The following ASTN2 variants were observed in gnomAD, a reference collection of about 807,000 sequenced individuals.
ASTN2 encodes the protein astrotactin-2.
Under a neutral mutation model 139.8 loss-of-function variants are expected in ASTN2, and 54 were observed. The observed-to-expected ratio is 0.39, with a 90% CI of 0.31 to 0.48. The LOEUF is 0.48. Among genes scored for constraint, ASTN2 ranks in the 20% least tolerant of loss-of-function variants. The pLI is 0.95. For synonymous variants in ASTN2, 756 were observed against 719.5 expected, an observed-to-expected ratio of 1.05 and a Z score of -0.81; for missense variants, 1,565 against 1,725.1, an observed-to-expected ratio of 0.91 and a Z score of 1.64.
chr9:116,778,692 G>A (rs930490185), intron 13 of ASTN2, among the ~76,000 whole-genome samples: 38 of 152,078 alleles, frequency 2.5e-4, no homozygotes, highest in African/African-American at 8.2e-4. Context: ...AATTTTACTC[G>A]ACTCAGCACC....
At chr9:117,180,506 G>A in intron 3 of ASTN2, 1 of 608,950 alleles carries the variant, frequency 1.6e-6, no homozygotes, top group Non-Finnish European at 2.9e-6. Context: ...ACATTTGAAT[G>A]CCATTTCCTC....
intron 7 of ASTN2, among the ~76,000 whole-genome samples, chr9:116,980,862 C>G (rs2132534479): frequency 6.6e-6 from 1 of 152,218 alleles, no homozygotes; most frequent in South Asian, 2.1e-4. Context: ...TAACCTCTTC[C>G]CTGGGTGACT....
At chr9:116,782,667 C>T (rs1027453756) in intron 13 of ASTN2, among the ~76,000 whole-genome samples, 2 of 152,132 alleles carry the variant, frequency 1.3e-5, no homozygotes, top group African/African-American at 4.8e-5. Flanking sequence ...TCCCTTTGGT[C>T]TTTATATTTG....
chr9:117,242,310 T>C (rs1015790809), intron 2 of ASTN2, among the ~76,000 whole-genome samples: 1 of 152,064 alleles, frequency 6.6e-6, no homozygotes, highest in African/African-American at 2.4e-5. Flanking sequence ...TATAAATATA[T>C]CTCAAACCTC....
chr9:116,846,874 A>G (rs931486216), intron 11 of ASTN2, among the ~76,000 whole-genome samples: 1 of 152,088 alleles, frequency 6.6e-6, no homozygotes, highest in Non-Finnish European at 1.5e-5. Context: ...TTTCCCCTAC[A>G]GCCTCTTAAA....
intron 19 of ASTN2, among the ~76,000 whole-genome samples, chr9:116,535,072 T>C (rs540349052): frequency 2.2e-4 from 33 of 152,348 alleles, no homozygotes; most frequent in African/African-American, 6.3e-4. Context: ...ATATTTAGGA[T>C]AGTTAGCTCT....
At chr9:116,925,928 A>T (rs1335662811) in intron 10 of ASTN2, among the ~76,000 whole-genome samples, 2 of 151,968 alleles carry the variant, frequency 1.3e-5, no homozygotes, top group Non-Finnish European at 2.9e-5. Flanking sequence ...GGATGCTCAT[A>T]CATTCAAAAA....
At chr9:116,976,485 C>T (rs1341956721) in intron 8 of ASTN2, among the ~76,000 whole-genome samples, 2 of 152,120 alleles carry the variant, frequency 1.3e-5, no homozygotes, top group Non-Finnish European at 2.9e-5. Flanking sequence ...AAATGTCAGC[C>T]TTTGTTCTCT....
chr9:116,792,616 T>A (rs1463050393), intron 13 of ASTN2, among the ~76,000 whole-genome samples: 1 of 152,202 alleles, frequency 6.6e-6, no homozygotes, highest in Non-Finnish European at 1.5e-5. Flanking sequence ...TGCTACATTA[T>A]GCACCGGGGG....
intron 5 of ASTN2, among the ~76,000 whole-genome samples, chr9:117,075,514 G>A (rs1265380282): frequency 6.6e-6 from 1 of 151,714 alleles, no homozygotes; most frequent in East Asian, 1.9e-4. Flanking sequence ...GGGAGGAGGA[G>A]GAGGGGGCAG....
At chr9:116,604,332 A>G (rs1326293661) in intron 19 of ASTN2, among the ~76,000 whole-genome samples, 1 of 152,182 alleles carries the variant, frequency 6.6e-6, no homozygotes, top group African/African-American at 2.4e-5. Context: ...TTGACTTTAG[A>G]AACCTTTCAC....
intron 10 of ASTN2, among the ~76,000 whole-genome samples, chr9:116,890,066 T>C (rs1833724335): frequency 6.6e-6 from 1 of 152,216 alleles, no homozygotes. Context: ...GCTGAGTTTA[T>C]TGATCAACAT....
intron 1 of ASTN2, among the ~76,000 whole-genome samples, chr9:117,382,324 G>C (rs1830295048): frequency 6.6e-6 from 1 of 152,156 alleles, no homozygotes; most frequent in Admixed American, 6.5e-5. Context: ...AGGGACAGCA[G>C]GTTTGGGAAA....
chr9:116,434,327 C>T (rs1466556028), intron 22 of ASTN2, among the ~76,000 whole-genome samples: 4 of 152,120 alleles, frequency 2.6e-5, no homozygotes, highest in Admixed American at 2.6e-4. Flanking sequence ...TGCTCTTGTT[C>T]CCAATATCTT....
chr9:116,683,700 A>G (rs1465716924), intron 16 of ASTN2, among the ~76,000 whole-genome samples: 1 of 152,202 alleles, frequency 6.6e-6, no homozygotes, highest in African/African-American at 2.4e-5. Context: ...CAAATGAGTA[A>G]AAAATACTTC....
chr9:117,207,803 A>G (rs1215462278), intron 3 of ASTN2, among the ~76,000 whole-genome samples: 1 of 152,200 alleles, frequency 6.6e-6, no homozygotes, highest in Non-Finnish European at 1.5e-5. Flanking sequence ...GTTCTGAGAA[A>G]TAGCCCAGTG....
chr9:117,212,330 T>C (rs1197656179), intron 3 of ASTN2, among the ~76,000 whole-genome samples: 3 of 150,974 alleles, frequency 2.0e-5, no homozygotes, highest in African/African-American at 4.9e-5. Flanking sequence ...GGGGAAACAC[T>C]TCAAGACATT....
chr9:117,205,896 A>G (rs536405206), intron 3 of ASTN2, among the ~76,000 whole-genome samples: 1 of 152,362 alleles, frequency 6.6e-6, no homozygotes, highest in African/African-American at 2.4e-5. Context: ...AACAAGCTCA[A>G]CGATAGACAG....
At chr9:116,897,790 C>T (rs751217911) in intron 10 of ASTN2, among the ~76,000 whole-genome samples, 2 of 151,816 alleles carry the variant, frequency 1.3e-5, no homozygotes, top group Admixed American at 6.6e-5. Context: ...CACATTACAG[C>T]ATTCCTATGG....
Sources: gnomAD v4.1 joint callset for allele counts (sites outside exome capture counted in the v4.1 genomes callset) on GRCh38, gnomAD v4.1.1 for gene constraint, MANE v1.5 for transcripts, NCBI Gene and HGNC (gene_info 2026-07-23, HGNC 2026-07-21) for gene names.